The following AP3B1 variants were observed in gnomAD, a reference collection of about 807,000 sequenced individuals.
AP3B1 encodes AP-3 complex subunit beta-1.
Under a neutral mutation model 132.5 loss-of-function variants are expected in AP3B1, and 61 were observed. That is an observed-to-expected ratio of 0.46 (90% CI 0.37 to 0.57). The LOEUF (loss-of-function observed/expected upper bound fraction) is 0.57, where lower values mean the gene tolerates loss of function less well. Ranked by LOEUF, AP3B1 falls within the 20% of genes least tolerant of loss-of-function variation. The pLI, the probability that AP3B1 is intolerant of heterozygous loss-of-function variation, is 0.00. For synonymous variants in AP3B1, 388 were observed against 438.3 expected (o/e 0.89, Z 1.43); for missense variants, 1,120 against 1,289.4 (o/e 0.87, Z 2.01).
intron 22 of AP3B1, among the ~76,000 whole-genome samples, chr5:78,067,953 G>GAAA (rs113086510): frequency 8.5e-5 from 12 of 141,750 alleles, no homozygotes; most frequent in South Asian, 2.2e-4. Context: ...AAAACCCTTC[G>GAAA]AAAAAAAAAA....
At chr5:78,172,123 C>T (rs1367829856) in intron 11 of AP3B1, among the ~76,000 whole-genome samples, 1 of 152,188 alleles carries the variant, frequency 6.6e-6, no homozygotes, top group Non-Finnish European at 1.5e-5. Context: ...GTTTGATGTG[C>T]TGCTGAATTC....
intron 24 of AP3B1, among the ~76,000 whole-genome samples, chr5:78,030,046 T>C (rs997348362): frequency 7.9e-5 from 12 of 152,236 alleles, no homozygotes; most frequent in Admixed American, 5.9e-4. Context: ...TTTCACATTA[T>C]GTCAACAATT....
At chr5:78,067,581 C>T (rs116446172) in intron 22 of AP3B1, among the ~76,000 whole-genome samples, 3,621 of 152,192 alleles carry the variant, frequency 0.024, 133 homozygotes, top group African/African-American at 0.082. Context: ...CAGACTATAG[C>T]GCAATCAAAT....
intron 25 of AP3B1, among the ~76,000 whole-genome samples, chr5:78,016,306 A>G (rs1384190983): frequency 2.0e-5 from 3 of 152,142 alleles, no homozygotes; most frequent in Non-Finnish European, 4.4e-5. Context: ...AGTTAATGCA[A>G]GACATGCCAT....
At chr5:78,091,086 T>A (rs1418634947) in intron 21 of AP3B1, among the ~76,000 whole-genome samples, 4 of 151,956 alleles carry the variant, frequency 2.6e-5, no homozygotes, top group African/African-American at 9.7e-5. Context: ...AACACCCAGC[T>A]GTGACATTAC....
chr5:78,096,160 G>A (rs985319682), intron 21 of AP3B1, among the ~76,000 whole-genome samples: 2 of 152,168 alleles, frequency 1.3e-5, no homozygotes, highest in Non-Finnish European at 2.9e-5. Flanking sequence ...GCAGGCGCGC[G>A]CCGCCATGCC....
chr5:78,263,701 T>C (rs750813516), intron 2 of AP3B1, among the ~76,000 whole-genome samples: 16 of 152,220 alleles, frequency 1.1e-4, no homozygotes, highest in Non-Finnish European at 1.9e-4. Context: ...ACTTTTATCA[T>C]CAAAGTGTAT....
intron 20 of AP3B1, among the ~76,000 whole-genome samples, chr5:78,104,510 C>A (rs1425896117): frequency 6.6e-6 from 1 of 151,998 alleles, no homozygotes; most frequent in African/African-American, 2.4e-5. Flanking sequence ...CAAGGCTTTG[C>A]ATTATAACAG....
rs573879875 is a variant in AP3B1 at position 78,085,410 on chromosome 5, T to C, written c.2577+3983A>G. Among the ~76,000 whole-genome samples, 185 of 152,324 alleles carry C rather than the reference T, an allele frequency of 1.2e-3. 1 individual carries two copies. The highest frequency in any genetic ancestry group is 4.3e-3 in the African/African-American group (179 of 41,572). On this transcript the variant is annotated intron_variant, in intron 22 of 26. Coordinates refer to ENST00000255194, the MANE Select transcript of AP3B1 (RefSeq NM_003664.5). ...AAAAATATTTTATTGAAGTAGAATA[T>C]ACATAAAGTACACATATCTTAAGTG...
At chr5:78,116,087 C>T (rs1249397431) in intron 18 of AP3B1, 39 bp downstream of exon 18, 6 of 1,403,150 alleles carry the variant, frequency 4.3e-6, no homozygotes, top group Non-Finnish European at 6.1e-6. Context: ...ATGTAATCTA[C>T]TATGTAAATA....
intron 21 of AP3B1, among the ~76,000 whole-genome samples, chr5:78,096,456 C>G (rs1280501550): frequency 6.6e-6 from 1 of 151,946 alleles, no homozygotes; most frequent in African/African-American, 2.4e-5. Flanking sequence ...TGAGGAGCGT[C>G]TCTGCCTGGC....
Position 78,129,144 on chromosome 5 carries a change from G to A in AP3B1, c.1814C>T (p.Pro605Leu). The A allele has an allele frequency of 6.2e-7, 1 of 1,612,900 alleles. No homozygotes were observed. The highest frequency in any genetic ancestry group is 8.5e-7 in the Non-Finnish European group (1 of 1,179,324). Reference protein sequence around the residue: ...KKIFLAQKPAPLLESPFKDRD... With the variant: ...KKIFLAQKPALLLESPFKDRD... ...ACCTTTAAAAGGAGACTCAAGCAGT[G>A]GTGCAGGCTTTTGTGCTAGGAATAT... Residue 605 changes from proline to leucine, a missense_variant, in exon 16 of 27, where the codon CCA becomes CTA. Around this residue, in one of 3 missense-constraint regions of AP3B1, gnomAD observed 906 missense variants for 997.1 expected, o/e 0.91. Coordinates refer to ENST00000255194, the MANE Select transcript of AP3B1 (RefSeq NM_003664.5).
At chr5:78,107,087 T>C (rs556954736) in intron 20 of AP3B1, among the ~76,000 whole-genome samples, 19 of 152,248 alleles carry the variant, frequency 1.2e-4, no homozygotes, top group African/African-American at 4.6e-4. Context: ...TCAATTAATA[T>C]CTCAAAAGAC....
intron 2 of AP3B1, among the ~76,000 whole-genome samples, chr5:78,243,832 TA>T (rs1245154584): frequency 1.3e-5 from 2 of 152,152 alleles, no homozygotes; most frequent in Non-Finnish European, 2.9e-5. Context: ...CAGAAATGTA[TA>T]AACCACTGTA....
intron 3 of AP3B1, among the ~76,000 whole-genome samples, chr5:78,237,330 C>CA (rs994995736): frequency 6.8e-6 from 1 of 147,650 alleles, no homozygotes; most frequent in African/African-American, 2.5e-5. Flanking sequence ...CTCGTCTCTA[C>CA]AAAATATTTT....
At chr5:78,279,192 G>A (rs60661646) in intron 1 of AP3B1, among the ~76,000 whole-genome samples, 32,767 of 152,090 alleles carry the variant, frequency 0.22, 3,703 homozygotes, top group Admixed American at 0.28. Flanking sequence ...AGTTACACAT[G>A]AATGGGAGTT....
chr5:78,193,770 A>ATTTTTTTTTTTTTTTT, intron 7 of AP3B1, among the ~76,000 whole-genome samples: 1 of 67,218 alleles, frequency 1.5e-5, no homozygotes, highest in South Asian at 4.1e-4. Flanking sequence ...ATATATATAT[A>ATTTTTTTTTTTTTTTT]TTTTTTTTTT....
chr5:78,036,607 A>G (rs1747819417), intron 23 of AP3B1, among the ~76,000 whole-genome samples: 1 of 152,040 alleles, frequency 6.6e-6, no homozygotes. Flanking sequence ...CCTCTTATAT[A>G]CTGGGTCTCT....
intron 15 of AP3B1, among the ~76,000 whole-genome samples, chr5:78,136,992 C>T (rs193212476): frequency 9.2e-5 from 14 of 152,236 alleles, no homozygotes; most frequent in African/African-American, 3.4e-4. Flanking sequence ...GCCAGGCAGT[C>T]TATTTACCAT....
Sources: gnomAD v4.1 joint callset for allele counts (sites outside exome capture counted in the v4.1 genomes callset) on GRCh38, gnomAD v4.1.1 for gene constraint, gnomAD v4.1.1 regional missense constraint, MANE v1.5 for transcripts, NCBI Gene and HGNC (gene_info 2026-07-23, HGNC 2026-07-21) for gene names.